Variants in IPO5 observed in about 807,000 individuals in gnomAD.
IPO5 encodes importin-5.
Under a neutral mutation model 143.3 loss-of-function variants are expected in IPO5, and 18 were observed. The ratio of observed to expected loss-of-function variants is 0.13; its 90% CI spans 0.09 to 0.19. IPO5 has a LOEUF of 0.19. Ranked by LOEUF, IPO5 falls within the 10% of genes least tolerant of loss-of-function variation. IPO5 has a pLI of 1.00. For synonymous variants in IPO5, 477 were observed against 465.7 expected (o/e 1.02, Z -0.31); for missense variants, 1,013 against 1,336.9 (o/e 0.76, Z 3.78).
At position 98,023,673 on chromosome 13, in the gene IPO5, C is replaced by T. The variant is rs1890617182; in HGVS notation, c.*1851C>T. On this transcript the variant is annotated 3_prime_UTR_variant, in exon 29 of 29. Transcript: ENST00000651721. ...AAACACTAGTGGTATTGTCAGATGCCGTTAGTATCTGAGATGTACTTACAG... is the reference window on the plus strand; with the variant it reads ...AAACACTAGTGGTATTGTCAGATGCTGTTAGTATCTGAGATGTACTTACAG... 6.6e-6 allele frequency: 1 copy of T among 152,040 alleles called. No homozygotes were observed. The allele number at this position is 152,040 out of a possible 1,614,324, so 9.4% of individuals were successfully genotyped here.
At chr13:97,981,333 GAGATT>G in intron 4 of IPO5, 1 of 446,588 alleles carries the variant, frequency 2.2e-6, no homozygotes, top group South Asian at 1.6e-5. Flanking sequence ...CAGTACCAGA[GAGATT>G]TTGAATATGG....
At chr13:97,964,910 T>A (rs1885195023) in intron 2 of IPO5, among the ~76,000 whole-genome samples, 1 of 152,182 alleles carries the variant, frequency 6.6e-6, no homozygotes, top group Non-Finnish European at 1.5e-5. Flanking sequence ...ATTGCAGCAC[T>A]ATTTACAATA....
At chr13:98,009,334 G>C (rs945373151) in intron 18 of IPO5, among the ~76,000 whole-genome samples, 1 of 152,172 alleles carries the variant, frequency 6.6e-6, no homozygotes, top group Non-Finnish European at 1.5e-5. Context: ...ATTTGCAGAT[G>C]ATAAAGTCTG....
chr13:98,018,360 A>G (rs538354946), intron 25 of IPO5, 125 bp from the exon 26 acceptor site: 5 of 689,508 alleles, frequency 7.3e-6, no homozygotes, highest in East Asian at 2.6e-5. Flanking sequence ...GGTTGTTACT[A>G]TGTTTTCTTT....
rs377069990 is a variant in IPO5, at chr13:98,016,143, G to A, written c.2493+362G>A. On this transcript the variant is annotated intron_variant, in intron 24 of 28. Coordinates refer to ENST00000651721, the MANE Select transcript of IPO5 (RefSeq NM_002271.6). ...GATTGCCTAGAGTCACACTGTTGACGGTCTGGGGCCTTTTTCACCATGTTA... is the reference window on the plus strand; with the variant it reads ...GATTGCCTAGAGTCACACTGTTGACAGTCTGGGGCCTTTTTCACCATGTTA... 7.7e-4 allele frequency among the ~76,000 whole-genome samples: 117 copies of A among 152,228 alleles called. 1 individual carries two copies. The highest frequency in any genetic ancestry group is 2.6e-3 in the African/African-American group (109 of 41,534).
chr13:97,969,289 C>T (rs2139548093), intron 2 of IPO5, among the ~76,000 whole-genome samples: 1 of 147,792 alleles, frequency 6.8e-6, no homozygotes, highest in Admixed American at 6.9e-5. Flanking sequence ...TCACACCATT[C>T]TCCTGCTTCA....
intron 13 of IPO5, chr13:98,001,779 A>G (rs1412623536): frequency 6.6e-6 from 1 of 151,842 alleles, no homozygotes; most frequent in Non-Finnish European, 1.5e-5. Flanking sequence ...CACCCGGCCT[A>G]ATTTTTGTAT....
intron 12 of IPO5, 86 bp downstream of exon 12, chr13:97,997,704 G>C (rs1797506749): frequency 3.0e-6 from 2 of 660,006 alleles, no homozygotes; most frequent in Admixed American, 5.6e-5. Flanking sequence ...GTAACCTGAA[G>C]GTAAACTTTT....
chr13:97,996,506 A>G (rs949342510), intron 11 of IPO5, among the ~76,000 whole-genome samples: 15 of 152,214 alleles, frequency 9.9e-5, no homozygotes, highest in Non-Finnish European at 2.9e-5. Context: ...TTCCACCCCC[A>G]GGGCACTTCA....
At chr13:97,989,283 A>G (rs369911726) in intron 7 of IPO5, 119 bp downstream of exon 7, 10 of 542,698 alleles carry the variant, frequency 1.8e-5, no homozygotes, top group African/African-American at 4.0e-5. Flanking sequence ...ATGCCTTTAC[A>G]TAAGTTTTGT....
At chr13:97,981,391 ATGATCT>A in intron 4 of IPO5, 1 of 381,184 alleles carries the variant, frequency 2.6e-6, no homozygotes, top group Admixed American at 3.6e-5. Flanking sequence ...TTCATTGTCT[ATGATCT>A]TAGGCAAGTC....
chr13:97,994,337 G>T (rs942468372), intron 11 of IPO5, among the ~76,000 whole-genome samples: 1 of 152,078 alleles, frequency 6.6e-6, no homozygotes, highest in African/African-American at 2.4e-5. Flanking sequence ...CAAAAATATT[G>T]CTTATTTGTA....
At position 97,969,173 on chromosome 13, in the gene IPO5, A is replaced by ATTT. The variant is rs1363779886; in HGVS notation, c.-112-549_-112-548insTTT. Among the ~76,000 whole-genome samples the ATTT allele has an allele frequency of 5.1e-3, 355 of 70,070 alleles. 9 individuals carry two copies. The highest frequency in any genetic ancestry group is 0.019 in the African/African-American group (283 of 14,868). The allele number at this position is 70,070 out of a possible 152,430, so 46.0% of individuals were successfully genotyped here. ...GCTAAGTATATATATATATATATAT[A>ATTT]TATTTTTTTTTTTTTTTTTTTTTTT... On this transcript the variant is annotated intron_variant, in intron 2 of 28. Transcript: ENST00000651721.
intron 21 of IPO5, among the ~76,000 whole-genome samples, chr13:98,012,830 G>A (rs1381543268): frequency 4.3e-5 from 5 of 115,712 alleles, no homozygotes; most frequent in Non-Finnish European, 6.9e-5. Flanking sequence ...TTTTTTTTAA[G>A]AGATAAGGTC....
At chr13:98,012,809 T>TTTTTTGTTTTTTTG (rs1889822002) in intron 21 of IPO5, among the ~76,000 whole-genome samples, 2 of 146,678 alleles carry the variant, frequency 1.4e-5, no homozygotes, top group East Asian at 4.8e-4. Context: ...TGATTTTTTT[T>TTTTTTGTTTTTTTG]TTTTTTTTTT....
At chr13:98,005,415 G>A (rs1889153433) in intron 16 of IPO5, among the ~76,000 whole-genome samples, 1 of 148,736 alleles carries the variant, frequency 6.7e-6, no homozygotes, top group South Asian at 2.1e-4. Flanking sequence ...ATTTAGTAGA[G>A]ACAGGGTTTC....
Position 97,992,961 on chromosome 13 carries a change from G to C in IPO5, c.739G>C (p.Val247Leu). The change falls in exon 10 of 29, where the codon GTT (valine) becomes CTT (leucine). Residue 247 changes from valine (V) to leucine (L), a missense_variant. Around this residue, in one of 2 missense-constraint regions of IPO5, gnomAD observed 328 missense variants for 342.0 expected, o/e 0.96. Transcript: ENST00000651721. The stretch of plus-strand genomic sequence containing the variant: ...ATCCCTCGTTGAGATTGCAGATACT[G>C]TTCCAAAGTATTTGCGTCCTCACTT... The part of the protein sequence containing the change: ...LKSLVEIADT[V>L]PKYLRPHLEA... 6.2e-7 allele frequency: 1 copy of C among 1,613,358 alleles called. No homozygotes were observed. Among genetic ancestry groups the C allele is most frequent in the Non-Finnish European group, 8.5e-7 (1 of 1,179,324 alleles).
At chr13:98,018,103 A>G (rs1460609783) in intron 25 of IPO5, among the ~76,000 whole-genome samples, 1 of 152,244 alleles carries the variant, frequency 6.6e-6, no homozygotes, top group Non-Finnish European at 1.5e-5. Flanking sequence ...TCGGGCACAC[A>G]TGACTTAGCC....
rs745725936 is a variant in IPO5 at position 98,002,853 on chromosome 13, T to G, written c.1324-11T>G. 4 of 1,606,950 alleles carry G rather than the reference T, an allele frequency of 2.5e-6. No homozygotes were observed. The highest frequency in any genetic ancestry group is 3.4e-6 in the Non-Finnish European group (4 of 1,176,948). On this transcript the variant is annotated splice_polypyrimidine_tract_variant and intron_variant, in intron 15 of 28. Coordinates refer to ENST00000651721, the MANE Select transcript of IPO5 (RefSeq NM_002271.6). The stretch of plus-strand genomic sequence containing the variant: ...TTTCAACATGTGTGCCCATTTGGTT[T>G]CATTTCACAGGTGATTGCAGCTCTG...
Sources: gnomAD v4.1 joint callset for allele counts (sites outside exome capture counted in the v4.1 genomes callset) on GRCh38, gnomAD v4.1.1 for gene constraint, gnomAD v4.1.1 regional missense constraint, MANE v1.5 for transcripts, NCBI Gene and HGNC (gene_info 2026-07-23, HGNC 2026-07-21) for gene names.